RNF123: variants seen among roughly 807,000 people sequenced by gnomAD.
RNF123 encodes the protein ring finger protein 123, also known as E3 ubiquitin-protein ligase RNF123.
Under a neutral mutation model 168.5 loss-of-function variants are expected in RNF123, and 86 were observed. The observed-to-expected ratio is 0.51, with a 90% confidence interval of 0.43 to 0.61. The LOEUF (loss-of-function observed/expected upper bound fraction) is 0.61, where lower values mean the gene tolerates loss of function less well. RNF123 is among the 20% of genes least tolerant of loss of function. The probability of loss-of-function intolerance (pLI) is 0.00; values close to 1 mark genes in which losing one functional copy is unlikely to be tolerated. For synonymous variants in RNF123, 666 were observed against 689.1 expected (o/e 0.97, Z 0.52); for missense variants, 1,419 against 1,729.7 (o/e 0.82, Z 3.19).
intron 3 of RNF123, 146 bp downstream of exon 3, chr3:49,691,655 CAG>C (rs1225861386): frequency 1.3e-6 from 1 of 783,274 alleles, no homozygotes; most frequent in African/African-American, 1.7e-5. Flanking sequence ...GATCTCTGGC[CAG>C]AGAGTCTGCC....
At chr3:49,695,355 C>A (rs2054248227) in intron 3 of RNF123, among the ~76,000 whole-genome samples, 1 of 152,178 alleles carries the variant, frequency 6.6e-6, no homozygotes. Flanking sequence ...CCACCTCAGC[C>A]TCCCAAAGTG....
Position 49,699,367 on chromosome 3 carries a change from C to A in RNF123, c.765-101C>A. On this transcript the variant is annotated intron_variant, in intron 10 of 38. Transcript: ENST00000327697. The surrounding 1 kb of genome is among the most constrained non-coding windows in gnomAD (Gnocchi z 4.8). ...GTGGGCAAGTTGTGATGCAAACCAG[C>A]CCTGCCCTAGAGCCCAGGCCCCGGG... 3 of 1,105,794 alleles carry A rather than the reference C, an allele frequency of 2.7e-6. No individual in the cohort carries two copies. Among genetic ancestry groups the A allele is most frequent in the Non-Finnish European group, 3.9e-6 (3 of 760,260 alleles). The allele number at this position is 1,105,794 out of a possible 1,614,324, so 68.5% of individuals were successfully genotyped here.
rs375706823 is a variant in RNF123 at position 49,718,676 on chromosome 3, A to G, written c.3501-1835A>G. The G allele has an allele frequency of 4.3e-6, 7 of 1,612,900 alleles. No individual in the cohort carries two copies. In the African/African-American group the frequency reaches 8.0e-5, roughly 18 times the overall value. On this transcript the variant is annotated intron_variant, in intron 35 of 38. Transcript: ENST00000327697. ...TTCTCAAAGACGCGGCTGTGCTGGAAGAAGCGCACGCGGGACGCGGGTACC... is the reference window on the plus strand; with the variant it reads ...TTCTCAAAGACGCGGCTGTGCTGGAGGAAGCGCACGCGGGACGCGGGTACC...
At position 49,705,199 on chromosome 3, in the gene RNF123, G is replaced by A. The variant is rs1346522551; in HGVS notation, c.2158+17G>A. On this transcript the variant is annotated intron_variant, in intron 23 of 38. Transcript: ENST00000327697. Reference sequence around the variant, plus strand: ...GTGAGGACAGTAGGTGCTTGGTGGGGTCAGGCAGGTCCCCGAAGGACCCTT... The same window carrying A: ...GTGAGGACAGTAGGTGCTTGGTGGGATCAGGCAGGTCCCCGAAGGACCCTT... 3 of 1,585,472 alleles carry A rather than the reference G, an allele frequency of 1.9e-6. No homozygotes were observed. The highest frequency in any genetic ancestry group is 2.6e-6 in the Non-Finnish European group (3 of 1,165,268).
chr3:49,703,437 C>T lies in RNF123; in HGVS notation c.1761C>T (p.Ile587=), dbSNP rs1401741357. 6.2e-7 allele frequency: 1 copy of T among 1,613,910 alleles called. No individual in the cohort carries two copies. The highest frequency in any genetic ancestry group is 1.3e-5 in the African/African-American group (1 of 74,928). ...CTCAATTCCTCGCAGAGGCCTACAT[C>T]CCGCCCCAGGTCTTCTATAATGGCA... ...PHASFSEEAY[I]PPQVFYNGKV... The change falls in exon 21 of 39, where the codon ATC becomes ATT. Residue 587 remains isoleucine (I), a synonymous_variant. Transcript: ENST00000327697.
intron 26 of RNF123, 70 bp downstream of exon 26, chr3:49,706,968 G>A: frequency 7.5e-7 from 1 of 1,341,590 alleles, no homozygotes; most frequent in Non-Finnish European, 1.1e-6. Context: ...GATTGTGCCA[G>A]GGCCCTTGAT....
rs148158961 is a variant in RNF123 at position 49,717,972 on chromosome 3, G to A, written c.3500+1495G>A. On this transcript the variant is annotated intron_variant, in intron 35 of 38. Transcript: ENST00000327697. ...CAGTCTAGGTTGTCATGGGACCCTCGGAGCCTATGGAGCTGGCGGACTCAG... is the reference window on the plus strand; with the variant it reads ...CAGTCTAGGTTGTCATGGGACCCTCAGAGCCTATGGAGCTGGCGGACTCAG... 1.7e-3 allele frequency: 2,727 copies of A among 1,613,194 alleles called. 4 individuals carry two copies. Among genetic ancestry groups the A allele is most frequent in the Admixed American group, 4.4e-3 (262 of 60,004 alleles).
chr3:49,706,335 G>A (rs914408332), intron 25 of RNF123, among the ~76,000 whole-genome samples: 3 of 152,150 alleles, frequency 2.0e-5, no homozygotes, highest in African/African-American at 7.2e-5. Context: ...GTGCTTCCTC[G>A]GCCACTTGCA....
chr3:49,701,958 C>T (rs1322184548), intron 17 of RNF123, 48 bp downstream of exon 17: 1 of 1,551,252 alleles, frequency 6.4e-7, no homozygotes, highest in South Asian at 1.2e-5. Flanking sequence ...TGTGTGTGCA[C>T]ATGAGGGTGC....
chr3:49,695,269 A>T (rs909455132), intron 3 of RNF123, among the ~76,000 whole-genome samples: 16 of 147,298 alleles, frequency 1.1e-4, no homozygotes, highest in African/African-American at 3.5e-4. Context: ...CACCCAGCTA[A>T]TTTTTTTTTT....
rs746630168 is a variant in RNF123, at chr3:49,704,741, C to T, written c.1944C>T (p.Ala648=). ...ACCTAGATGAGGATGAGGAGCCAGC[C>T]CCAGCTATGGCCCAGGTGCCGCAGT... ...MDDLDEDEEP[A]PAMAQRPMQA... is the part of the protein sequence containing the mutation. The change falls in exon 22 of 39, where the codon GCC becomes GCT. Residue 648 remains alanine (A), a synonymous_variant. Coordinates refer to ENST00000327697, the MANE Select transcript of RNF123 (RefSeq NM_022064.5). 4 of 1,582,904 alleles carry T rather than the reference C, an allele frequency of 2.5e-6. No homozygotes were observed. The highest frequency in any genetic ancestry group is 3.4e-6 in the Non-Finnish European group (4 of 1,164,134).
At chr3:49,714,032 G>C in intron 30 of RNF123, 35 bp downstream of exon 30, 3 of 1,613,890 alleles carry the variant, frequency 1.9e-6, no homozygotes, top group Non-Finnish European at 2.5e-6. Context: ...GCTGAGGCTG[G>C]CTGGAGGGAG....
intron 26 of RNF123, among the ~76,000 whole-genome samples, chr3:49,708,994 G>A (rs997705719): frequency 1.3e-5 from 2 of 151,964 alleles, no homozygotes; most frequent in African/African-American, 4.8e-5. Flanking sequence ...TTGAGATGGA[G>A]TCTCACTCTG....
In RNF123 at chr3:49,709,690, C is replaced by T. The variant is rs541908024; in HGVS notation, c.2497-2789C>T. 7.2e-5 allele frequency among the ~76,000 whole-genome samples: 11 copies of T among 152,188 alleles called. No individual in the cohort carries two copies. The South Asian group carries it at 8.3e-4, about 11-fold the overall frequency. On this transcript the variant is annotated intron_variant, in intron 26 of 38. Transcript: ENST00000327697. The stretch of plus-strand genomic sequence containing the variant: ...CCGACCTCAGGTGATTCGCCCGCCT[C>T]GGCCTCCCAAAGTGCTGGGGTTACA...
At chr3:49,716,311 G>A (rs2080243767) in intron 34 of RNF123, 82 bp from the exon 35 acceptor site, 4 of 1,556,368 alleles carry the variant, frequency 2.6e-6, no homozygotes, top group Admixed American at 3.4e-5. Flanking sequence ...TCACCCTTCT[G>A]TAGAGAGGGC....
chr3:49,717,738 C>T (rs961186368), intron 35 of RNF123: 1 of 620,844 alleles, frequency 1.6e-6, no homozygotes, highest in Non-Finnish European at 2.8e-6. Context: ...GCCTTTGGGT[C>T]CTGTGCAGGG....
At chr3:49,702,256 G>A in intron 18 of RNF123, 78 bp from the exon 19 acceptor site, 1 of 1,587,010 alleles carries the variant, frequency 6.3e-7, no homozygotes, top group South Asian at 1.1e-5. Flanking sequence ...GGGGCTGGGG[G>A]AAGGTGCAGC....
chr3:49,696,081 G>A (rs1232044200), intron 3 of RNF123, among the ~76,000 whole-genome samples: 1 of 152,204 alleles, frequency 6.6e-6, no homozygotes, highest in Non-Finnish European at 1.5e-5. Flanking sequence ...CCCTGGCTGG[G>A]TGGTGGCGAG....
chr3:49,696,188 C>G (rs1432912206), intron 3 of RNF123, among the ~76,000 whole-genome samples: 1 of 152,188 alleles, frequency 6.6e-6, no homozygotes, highest in East Asian at 1.9e-4. Context: ...TTTCTCCCAG[C>G]CTTCTTCTTC....
Sources: gnomAD v4.1 joint callset for allele counts (sites outside exome capture counted in the v4.1 genomes callset) on GRCh38, gnomAD v4.1.1 for gene constraint, Gnocchi (gnomAD v3.1) non-coding constraint, MANE v1.5 for transcripts, NCBI Gene and HGNC (gene_info 2026-07-23, HGNC 2026-07-21) for gene names.